The following MLF2 variants were observed in gnomAD, a reference collection of about 807,000 sequenced individuals.
The protein encoded by MLF2 is myeloid leukemia factor 2.
Under a neutral mutation model 31.4 loss-of-function variants are expected in MLF2, and 12 were observed. That is an observed-to-expected ratio of 0.38 (90% CI 0.24 to 0.62). The LOEUF (loss-of-function observed/expected upper bound fraction) is 0.62, where lower values mean the gene tolerates loss of function less well. Ranked by LOEUF, MLF2 falls within the 20% of genes least tolerant of loss-of-function variation. The probability of loss-of-function intolerance (pLI) is 0.58; values close to 1 mark genes in which losing one functional copy is unlikely to be tolerated. For synonymous variants in MLF2, 109 were observed against 118.8 expected (o/e 0.92, Z 0.54); for missense variants, 272 against 359.7 (o/e 0.76, Z 1.97).
In MLF2 at chr12:6,748,969, C is replaced by T. The variant is rs541931098; in HGVS notation, c.573G>A (p.Ala191=). 15 of 1,597,932 alleles carry T rather than the reference C, an allele frequency of 9.4e-6. No homozygotes were observed. The highest frequency in any genetic ancestry group is 1.7e-4 in the Middle Eastern group (1 of 5,796). ...YINLDESEAA[A]FDDEWRRETS... Reference sequence around the variant, plus strand: ...TCTCCCGCCGCCACTCGTCATCAAACGCTGCGGCCTCACCTGGAAAGGACA... The same window carrying T: ...TCTCCCGCCGCCACTCGTCATCAAATGCTGCGGCCTCACCTGGAAAGGACA... Residue 191 remains alanine (A), a synonymous_variant, in exon 8 of 9, where the codon GCG becomes GCA. Transcript: ENST00000203630. This position sits in a 1 kb window ranked among gnomAD's most constrained non-coding sequence, Gnocchi z 4.6.
Position 6,749,011 on chromosome 12 carries a change from T to C in MLF2, c.560-29A>G, listed in dbSNP as rs550008825. ...GAAAGGACAGAGCGGACATGAGGCC[T>C]GTGTGCGGCCTGGCTCCTGGAGGCC... On this transcript the variant is annotated intron_variant, in intron 7 of 8. Coordinates refer to ENST00000203630, the MANE Select transcript of MLF2 (RefSeq NM_001382226.1). This position sits in a 1 kb window ranked among gnomAD's most constrained non-coding sequence, Gnocchi z 5.3. The C allele has an allele frequency of 4.3e-5, 66 of 1,529,924 alleles. No individual in the cohort carries two copies. In the East Asian group the frequency reaches 1.7e-3, roughly 39 times the overall value. 94.8% of individuals were successfully genotyped at this position (1,529,924 alleles called of 1,614,324 possible). A position where few individuals can be genotyped will look rare whatever the true frequency, so the allele number is the denominator to read the frequency against.
Position 6,752,403 on chromosome 12 carries a change from G to C in MLF2, c.-28-41C>G. The stretch of plus-strand genomic sequence containing the variant: ...AGCTCAGATACTTGGAGGTGGCCAG[G>C]GTTTTGCACACCCACTCAGTGTGGG... On this transcript the variant is annotated intron_variant, in intron 1 of 8. Transcript: ENST00000203630. The surrounding 1 kb of genome is among the most constrained non-coding windows in gnomAD (Gnocchi z 4.6). 3 of 1,493,032 alleles carry C rather than the reference G, an allele frequency of 2.0e-6. No individual in the cohort carries two copies. The South Asian group carries it at 3.6e-5, about 18-fold the overall frequency. The allele number at this position is 1,493,032 out of a possible 1,614,324, so 92.5% of individuals were successfully genotyped here.
rs892271312 is a variant in MLF2, at chr12:6,750,081, C to T, written c.400-74G>A. On this transcript the variant is annotated intron_variant, in intron 6 of 8. Transcript: ENST00000203630. This position sits in a 1 kb window ranked among gnomAD's most constrained non-coding sequence, Gnocchi z 5.3. ...TGCCTATACCATCTCAGGATAAACA[C>T]ACCACACACAACCCAATCCGGAAAA... The T allele has an allele frequency of 1.7e-5, 28 of 1,611,490 alleles. No individual in the cohort carries two copies. In the Admixed American group the frequency reaches 3.0e-4, roughly 17 times the overall value.
rs996000013 is a variant in MLF2, at chr12:6,752,232, T to A, written c.50+53A>T. The A allele has an allele frequency of 6.4e-7, 1 of 1,551,488 alleles. No individual in the cohort carries two copies. On this transcript the variant is annotated intron_variant, in intron 2 of 8. Coordinates refer to ENST00000203630, the MANE Select transcript of MLF2 (RefSeq NM_001382226.1). The surrounding 1 kb of genome is among the most constrained non-coding windows in gnomAD (Gnocchi z 4.6). Reference sequence around the variant, plus strand: ...AGCAATGGGAACCCCGATGTCTGCCTGAACTGCTCAGAGACCTGGAGTGGG... The same window carrying A: ...AGCAATGGGAACCCCGATGTCTGCCAGAACTGCTCAGAGACCTGGAGTGGG...
Position 6,748,907 on chromosome 12 carries a change from C to T in MLF2, c.635G>A (p.Arg212Gln), listed in dbSNP as rs767002969. 1.3e-5 allele frequency: 21 copies of T among 1,601,980 alleles called. No individual in the cohort carries two copies. Among genetic ancestry groups the T allele is most frequent in the Admixed American group, 6.9e-5 (4 of 58,342 alleles). The change falls in exon 8 of 9, where the codon CGG becomes CAG. Residue 212 changes from arginine (R) to glutamine (Q), a missense_variant. Coordinates refer to ENST00000203630, the MANE Select transcript of MLF2 (RefSeq NM_001382226.1). The surrounding 1 kb of genome is among the most constrained non-coding windows in gnomAD (Gnocchi z 4.6). ...RFRQQRPLEF[R>Q]RLESSGAGGR... Reference sequence around the variant, plus strand: ...CCCAGCCCCTGAGGACTCAAGCCGCCGAAACTCCAGGGGACGCTGCTGCCG... The same window carrying T: ...CCCAGCCCCTGAGGACTCAAGCCGCTGAAACTCCAGGGGACGCTGCTGCCG...
chr12:6,749,065 G>A lies in MLF2; in HGVS notation c.560-83C>T. On this transcript the variant is annotated intron_variant, in intron 7 of 8. Coordinates refer to ENST00000203630, the MANE Select transcript of MLF2 (RefSeq NM_001382226.1). This position sits in a 1 kb window ranked among gnomAD's most constrained non-coding sequence, Gnocchi z 5.3. Reference sequence around the variant, plus strand: ...GTGCGAGCGAGCCACAGCTTTTCGGGCCAAAGCGGCGAAGGCTGAGTGTGC... The same window carrying A: ...GTGCGAGCGAGCCACAGCTTTTCGGACCAAAGCGGCGAAGGCTGAGTGTGC... 7.1e-7 allele frequency: 1 copy of A among 1,399,428 alleles called. No individual in the cohort carries two copies. Among genetic ancestry groups the A allele is most frequent in the Admixed American group, 3.2e-5 (1 of 31,206 alleles). The allele number at this position is 1,399,428 out of a possible 1,614,324, so 86.7% of individuals were successfully genotyped here.
Position 6,750,888 on chromosome 12 carries a change from G to C in MLF2, c.217-122C>G. 2.4e-6 allele frequency: 2 copies of C among 821,688 alleles called. No individual in the cohort carries two copies. Among genetic ancestry groups the C allele is most frequent in the East Asian group, 5.3e-5 (2 of 38,088 alleles). 50.9% of individuals were successfully genotyped at this position (821,688 alleles called of 1,614,324 possible). ...CCTTTCTCTTCTTCCTTCACATCTA[G>C]CAAGTTCTCTTTCTCATTCTGTTAA... On this transcript the variant is annotated intron_variant, in intron 4 of 8. Coordinates refer to ENST00000203630, the MANE Select transcript of MLF2 (RefSeq NM_001382226.1). This position sits in a 1 kb window ranked among gnomAD's most constrained non-coding sequence, Gnocchi z 5.3.
At position 6,749,035 on chromosome 12, in the gene MLF2, C is replaced by A; in HGVS notation, c.560-53G>T. On this transcript the variant is annotated intron_variant, in intron 7 of 8. Transcript: ENST00000203630. The surrounding 1 kb of genome is among the most constrained non-coding windows in gnomAD (Gnocchi z 5.3). ...CTGTGTGCGGCCTGGCTCCTGGAGG[C>A]CGATGTGCGAGCGAGCCACAGCTTT... The A allele has an allele frequency of 1.4e-6, 2 of 1,479,774 alleles. No individual in the cohort carries two copies. Among genetic ancestry groups the A allele is most frequent in the Non-Finnish European group, 8.9e-7 (1 of 1,120,616 alleles). The allele number at this position is 1,479,774 out of a possible 1,614,324, so 91.7% of individuals were successfully genotyped here. A position where few individuals can be genotyped will look rare whatever the true frequency, so the allele number is the denominator to read the frequency against.
rs1252144962 is a variant in MLF2, at chr12:6,748,427, C to T, written c.*146G>A. The T allele has an allele frequency of 5.4e-6, 1 of 186,114 alleles. No homozygotes were observed. Among genetic ancestry groups the T allele is most frequent in the Non-Finnish European group, 1.1e-5 (1 of 90,882 alleles). 11.5% of individuals were successfully genotyped at this position (186,114 alleles called of 1,614,324 possible). A position where few individuals can be genotyped will look rare whatever the true frequency, so the allele number is the denominator to read the frequency against. On this transcript the variant is annotated 3_prime_UTR_variant, in exon 9 of 9. Transcript: ENST00000203630. The surrounding 1 kb of genome is among the most constrained non-coding windows in gnomAD (Gnocchi z 4.6). ...GGGAAAGGGTGCCGTGAAAGGTTCT[C>T]CCTGAGACCCCCAGGGAGAGGTGGG...
rs774976927 is a variant in MLF2 at position 6,749,915 on chromosome 12, G to A, written c.492C>T (p.Leu164=). Residue 164 remains leucine (L), a synonymous_variant, in exon 7 of 9, where the codon CTC becomes CTT. Transcript: ENST00000203630. The surrounding 1 kb of genome is among the most constrained non-coding windows in gnomAD (Gnocchi z 5.3). ...GHHIRDRAHI[L]QRSRNHRTGD... is the part of the protein sequence containing the mutation. ...CCGTGCGATGGTTTCGGGAGCGCTGGAGGATGTGAGCCCTGTCCCGGATGT... is the reference window on the plus strand; with the variant it reads ...CCGTGCGATGGTTTCGGGAGCGCTGAAGGATGTGAGCCCTGTCCCGGATGT... The A allele has an allele frequency of 1.5e-5, 25 of 1,614,072 alleles. No homozygotes were observed. In the Admixed American group the frequency reaches 2.8e-4, roughly 18 times the overall value.
At position 6,752,470 on chromosome 12, in the gene MLF2, C is replaced by T; in HGVS notation, c.-28-108G>A. 4.5e-6 allele frequency: 4 copies of T among 882,534 alleles called. No homozygotes were observed. The highest frequency in any genetic ancestry group is 7.0e-6 in the Non-Finnish European group (4 of 573,664). The allele number at this position is 882,534 out of a possible 1,614,324, so 54.7% of individuals were successfully genotyped here. On this transcript the variant is annotated intron_variant, in intron 1 of 8. Coordinates refer to ENST00000203630, the MANE Select transcript of MLF2 (RefSeq NM_001382226.1). This position sits in a 1 kb window ranked among gnomAD's most constrained non-coding sequence, Gnocchi z 4.6. Reference sequence around the variant, plus strand: ...TCCTTTCCAAATCCTGTAACTGACCCCCTAAACTCCAGGGAGACCCTACTC... The same window carrying T: ...TCCTTTCCAAATCCTGTAACTGACCTCCTAAACTCCAGGGAGACCCTACTC...
rs746672156 is a variant in MLF2, at chr12:6,749,876, C to T, written c.531G>A (p.Glu177=). ...CATCCAGGTTGATATAGTCCTGCCG[C>T]TCCTCCTGGTCCCCCGTGCGATGGT... ...SRNHRTGDQE[E]RQDYINLDES... Residue 177 remains glutamate (E), a synonymous_variant, in exon 7 of 9, where the codon GAG becomes GAA. Transcript: ENST00000203630. The surrounding 1 kb of genome is among the most constrained non-coding windows in gnomAD (Gnocchi z 5.3). 4 of 1,614,220 alleles carry T rather than the reference C, an allele frequency of 2.5e-6. No individual in the cohort carries two copies. The highest frequency in any genetic ancestry group is 2.7e-5 in the African/African-American group (2 of 75,054).
rs759424108 is a variant in MLF2, at chr12:6,748,999, G to A, written c.560-17C>T. 1.4e-5 allele frequency: 22 copies of A among 1,559,366 alleles called. No homozygotes were observed. The highest frequency in any genetic ancestry group is 7.3e-5 in the East Asian group (3 of 40,910). On this transcript the variant is annotated splice_polypyrimidine_tract_variant and intron_variant, in intron 7 of 8. Transcript: ENST00000203630. This position sits in a 1 kb window ranked among gnomAD's most constrained non-coding sequence, Gnocchi z 4.6. ...CGGCCTCACCTGGAAAGGACAGAGCGGACATGAGGCCTGTGTGCGGCCTGG... is the reference window on the plus strand; with the variant it reads ...CGGCCTCACCTGGAAAGGACAGAGCAGACATGAGGCCTGTGTGCGGCCTGG...
rs891020164 is a variant in MLF2, at chr12:6,749,388, G to A, written c.560-406C>T. On this transcript the variant is annotated intron_variant, in intron 7 of 8. Coordinates refer to ENST00000203630, the MANE Select transcript of MLF2 (RefSeq NM_001382226.1). The surrounding 1 kb of genome is among the most constrained non-coding windows in gnomAD (Gnocchi z 5.3). ...ACACCGCCAGCACCTGACTCCGCCC[G>A]AGCGGAGGAGGCTCCAAGTGCGGTA... 2.0e-5 allele frequency among the ~76,000 whole-genome samples: 3 copies of A among 152,258 alleles called. No homozygotes were observed. The highest frequency in any genetic ancestry group is 4.8e-5 in the African/African-American group (2 of 41,480).
In MLF2 at chr12:6,750,436, C is replaced by G; in HGVS notation, c.271-131G>C. The G allele has an allele frequency of 3.2e-6, 4 of 1,260,922 alleles. No individual in the cohort carries two copies. The highest frequency in any genetic ancestry group is 3.3e-6 in the Non-Finnish European group (3 of 915,902). The allele number at this position is 1,260,922 out of a possible 1,614,324, so 78.1% of individuals were successfully genotyped here. A position where few individuals can be genotyped will look rare whatever the true frequency, so the allele number is the denominator to read the frequency against. On this transcript the variant is annotated intron_variant, in intron 5 of 8. Transcript: ENST00000203630. The surrounding 1 kb of genome is among the most constrained non-coding windows in gnomAD (Gnocchi z 5.3). The stretch of plus-strand genomic sequence containing the variant: ...TGCAAGAACTGAAAAAACATCAGGC[C>G]TCATCATTACCCTCCCAAATTCCTC...
chr12:6,751,902 C>T lies in MLF2; in HGVS notation c.180+23G>A, dbSNP rs747164654. On this transcript the variant is annotated intron_variant, in intron 3 of 8. Transcript: ENST00000203630. ...TAACCTCCAACCTTTCTTTGGGTCT[C>T]AGGTGTGTCTCAGCATCATTACCTG... 8 of 1,613,320 alleles carry T rather than the reference C, an allele frequency of 5.0e-6. No homozygotes were observed. The African/African-American group carries it at 5.3e-5, about 11-fold the overall frequency.
Position 6,751,683 on chromosome 12 carries a change from G to A in MLF2, c.181-7C>T, listed in dbSNP as rs375624950. On this transcript the variant is annotated splice_polypyrimidine_tract_variant and splice_region_variant and intron_variant, in intron 3 of 8. Transcript: ENST00000203630. Reference sequence around the variant, plus strand: ...AGGGGGAGACAGCTCCAGCCTACAGGAACACATGAGGAACAGAAATTAGAG... The same window carrying A: ...AGGGGGAGACAGCTCCAGCCTACAGAAACACATGAGGAACAGAAATTAGAG... 225 of 1,613,848 alleles carry A rather than the reference G, an allele frequency of 1.4e-4. No homozygotes were observed. The highest frequency in any genetic ancestry group is 1.8e-4 in the Non-Finnish European group (218 of 1,179,854).
In MLF2 at chr12:6,750,822, G is replaced by A; in HGVS notation, c.217-56C>T. On this transcript the variant is annotated intron_variant, in intron 4 of 8. Coordinates refer to ENST00000203630, the MANE Select transcript of MLF2 (RefSeq NM_001382226.1). This position sits in a 1 kb window ranked among gnomAD's most constrained non-coding sequence, Gnocchi z 5.3. ...GAAAGCAAAGTCAGTGTTCAGAGTTGATCCTGTTTAGGAACCCACAACCCA... is the reference window on the plus strand; with the variant it reads ...GAAAGCAAAGTCAGTGTTCAGAGTTAATCCTGTTTAGGAACCCACAACCCA... 6.4e-7 allele frequency: 1 copy of A among 1,550,638 alleles called. No individual in the cohort carries two copies.
At chr12:6,751,716 C>G (rs762454370) in intron 3 of MLF2, 40 bp from the exon 4 acceptor site, 21 of 1,611,392 alleles carry the variant, frequency 1.3e-5, no homozygotes, top group African/African-American at 4.0e-5. Flanking sequence ...GAGACCACAT[C>G]CTATCTCTTT....
Sources: gnomAD v4.1 joint callset for allele counts (sites outside exome capture counted in the v4.1 genomes callset) on GRCh38, gnomAD v4.1.1 for gene constraint, Gnocchi (gnomAD v3.1) non-coding constraint, MANE v1.5 for transcripts, NCBI Gene and HGNC (gene_info 2026-07-23, HGNC 2026-07-21) for gene names.